The following GMDS variants were observed in gnomAD, a reference collection of about 807,000 sequenced individuals.
GMDS encodes GDP-mannose 4,6 dehydratase.
Under a neutral mutation model 49.9 loss-of-function variants are expected in GMDS, and 20 were observed. The ratio of observed to expected loss-of-function variants is 0.40; its 90% CI spans 0.28 to 0.58. The LOEUF is 0.58. Ranked by LOEUF, GMDS falls within the 20% of genes least tolerant of loss-of-function variation. The pLI is 0.42. For missense variants in GMDS, 362 were observed against 481.4 expected (o/e 0.75, Z 2.32); for synonymous variants, 177 against 178.6 (o/e 0.99, Z 0.07).
chr6:2,040,455 T>C (rs889725639), intron 4 of GMDS, among the ~76,000 whole-genome samples: 1 of 152,228 alleles, frequency 6.6e-6, no homozygotes, highest in African/African-American at 2.4e-5. Flanking sequence ...AACAGTTATA[T>C]GATCTACATG....
chr6:1,652,380 A>T lies in GMDS; in HGVS notation c.988-27840T>A, dbSNP rs866515757. 3.5e-3 allele frequency among the ~76,000 whole-genome samples: 38 copies of T among 10,838 alleles called. 4 individuals are homozygous for T. The highest frequency in any genetic ancestry group is 4.9e-3 in the African/African-American group (19 of 3,864). 7.1% of individuals were successfully genotyped at this position (10,838 alleles called of 152,430 possible). The stretch of plus-strand genomic sequence containing the variant: ...AGAGTGAAACTCCGCTAAAAAAAAA[A>T]ATATATATATATTATATATATATAT... On this transcript the variant is annotated intron_variant, in intron 9 of 10. Transcript: ENST00000380815.
At chr6:1,884,358 TA>T (rs1453857104) in intron 7 of GMDS, among the ~76,000 whole-genome samples, 1 of 152,218 alleles carries the variant, frequency 6.6e-6, no homozygotes, top group Non-Finnish European at 1.5e-5. Context: ...CCCAGAGTTC[TA>T]AGGGGAGGAA....
At chr6:1,823,312 T>C (rs988948296) in intron 7 of GMDS, among the ~76,000 whole-genome samples, 2 of 152,210 alleles carry the variant, frequency 1.3e-5, no homozygotes, top group African/African-American at 4.8e-5. Context: ...GATTCCGTAT[T>C]ATCTCTAATT....
chr6:1,870,039 T>A (rs887147568), intron 7 of GMDS, among the ~76,000 whole-genome samples: 3 of 152,238 alleles, frequency 2.0e-5, no homozygotes, highest in Admixed American at 6.5e-5. Flanking sequence ...TCTCACAGGT[T>A]GTGCCTGGGG....
chr6:1,881,886 G>A (rs1759378886), intron 7 of GMDS, among the ~76,000 whole-genome samples: 1 of 152,166 alleles, frequency 6.6e-6, no homozygotes, highest in South Asian at 2.1e-4. Context: ...ACCATTAGAA[G>A]GAGGCAGACA....
At chr6:2,204,321 C>A (rs1779687915) in intron 1 of GMDS, among the ~76,000 whole-genome samples, 1 of 152,204 alleles carries the variant, frequency 6.6e-6, no homozygotes, top group South Asian at 2.1e-4. Flanking sequence ...CATCCCTCTA[C>A]TACTGTAATG....
intron 7 of GMDS, among the ~76,000 whole-genome samples, chr6:1,882,634 C>T (rs879387577): frequency 2.6e-5 from 4 of 152,164 alleles, no homozygotes; most frequent in Non-Finnish European, 4.4e-5. Context: ...AAGAACTCAA[C>T]GTCATAAGCA....
intron 7 of GMDS, among the ~76,000 whole-genome samples, chr6:1,771,425 T>C (rs1768571799): frequency 6.6e-6 from 1 of 152,206 alleles, no homozygotes. Context: ...AAAATTATGA[T>C]AACAATGCCT....
chr6:2,114,534 G>C (rs970250248), intron 4 of GMDS, among the ~76,000 whole-genome samples: 4 of 152,144 alleles, frequency 2.6e-5, no homozygotes, highest in African/African-American at 9.7e-5. Flanking sequence ...AAATAGCTAA[G>C]CTGTAACCTA....
intron 7 of GMDS, among the ~76,000 whole-genome samples, chr6:1,764,402 T>C (rs763916156): frequency 5.3e-5 from 8 of 152,196 alleles, no homozygotes; most frequent in Non-Finnish European, 8.8e-5. Flanking sequence ...CTTAATATCA[T>C]GTAGTGAAAA....
At chr6:1,828,135 A>G (rs1485860861) in intron 7 of GMDS, among the ~76,000 whole-genome samples, 1 of 152,146 alleles carries the variant, frequency 6.6e-6, no homozygotes, top group African/African-American at 2.4e-5. Flanking sequence ...TGGAGCTGGA[A>G]AGTATAATAA....
At chr6:1,848,562 T>C (rs1015163955) in intron 7 of GMDS, among the ~76,000 whole-genome samples, 9 of 152,248 alleles carry the variant, frequency 5.9e-5, no homozygotes, top group African/African-American at 2.2e-4. Flanking sequence ...TTTGTTTTGT[T>C]TCTAAGTGAC....
At chr6:1,905,537 T>C (rs1357957532) in intron 7 of GMDS, among the ~76,000 whole-genome samples, 3 of 138,320 alleles carry the variant, frequency 2.2e-5, no homozygotes, top group Admixed American at 7.2e-5. Flanking sequence ...GGCGTGTAGG[T>C]TGGACCTCAA....
At chr6:2,162,375 G>A (rs1456138072) in intron 1 of GMDS, among the ~76,000 whole-genome samples, 2 of 152,000 alleles carry the variant, frequency 1.3e-5, no homozygotes, top group African/African-American at 4.8e-5. Context: ...GGAACACCAG[G>A]GTTCCACTAA....
chr6:1,829,077 G>A (rs1771246153), intron 7 of GMDS, among the ~76,000 whole-genome samples: 1 of 152,152 alleles, frequency 6.6e-6, no homozygotes, highest in African/African-American at 2.4e-5. Context: ...TTAATTAAGT[G>A]GAAGTGGATC....
At chr6:1,795,104 G>A (rs996106933) in intron 7 of GMDS, among the ~76,000 whole-genome samples, 7 of 152,204 alleles carry the variant, frequency 4.6e-5, no homozygotes, top group African/African-American at 1.7e-4. Flanking sequence ...GGAGGCTGAG[G>A]TGGGAGGATC....
chr6:2,150,968 A>G (rs1259591815), intron 1 of GMDS, among the ~76,000 whole-genome samples: 2 of 152,180 alleles, frequency 1.3e-5, no homozygotes, highest in African/African-American at 2.4e-5. Context: ...TTTCCCTTAG[A>G]AATGCCTGAA....
chr6:2,089,342 C>G (rs193167417), intron 4 of GMDS, among the ~76,000 whole-genome samples: 13 of 152,100 alleles, frequency 8.5e-5, no homozygotes, highest in East Asian at 7.7e-4. Flanking sequence ...CTAAAAGGTT[C>G]TAACAATAGA....
At chr6:2,202,558 G>A (rs1350237348) in intron 1 of GMDS, among the ~76,000 whole-genome samples, 1 of 152,016 alleles carries the variant, frequency 6.6e-6, no homozygotes, top group African/African-American at 2.4e-5. Context: ...CAGAGGAGGG[G>A]ACAGGCTGAT....
Sources: gnomAD v4.1 joint callset for allele counts (sites outside exome capture counted in the v4.1 genomes callset) on GRCh38, gnomAD v4.1.1 for gene constraint, MANE v1.5 for transcripts, NCBI Gene and HGNC (gene_info 2026-07-23, HGNC 2026-07-21) for gene names.